ADGRB3: variants seen among roughly 807,000 people sequenced by gnomAD.
ADGRB3 encodes the protein brain-specific angiogenesis inhibitor 3.
ADGRB3 carries 37 observed loss-of-function variants against 193.4 expected under a neutral mutation model. That is an observed-to-expected ratio of 0.19 (90% CI 0.15 to 0.25). The LOEUF (loss-of-function observed/expected upper bound fraction) is 0.25. ADGRB3 is among the 10% of genes least tolerant of loss of function. The probability of loss-of-function intolerance (pLI) is 1.00; values close to 1 mark genes in which losing one functional copy is unlikely to be tolerated. For synonymous variants in ADGRB3, 690 were observed against 644.2 expected (o/e 1.07, Z -1.08); for missense variants, 1,637 against 1,852.9 (o/e 0.88, Z 2.14).
intron 20 of ADGRB3, among the ~76,000 whole-genome samples, chr6:69,266,040 C>T (rs1767032724): frequency 6.6e-6 from 1 of 151,888 alleles, no homozygotes; most frequent in Non-Finnish European, 1.5e-5. Flanking sequence ...AGCTTTCTTA[C>T]AGTGTTGTGG....
At chr6:68,973,842 A>G (rs1391509908) in intron 8 of ADGRB3, among the ~76,000 whole-genome samples, 1 of 152,194 alleles carries the variant, frequency 6.6e-6, no homozygotes, top group Admixed American at 6.5e-5. Context: ...ACATGGGAGC[A>G]AGATGTCACT....
chr6:69,041,247 G>A (rs1453832187), intron 13 of ADGRB3, among the ~76,000 whole-genome samples: 2 of 152,154 alleles, frequency 1.3e-5, no homozygotes, highest in African/African-American at 4.8e-5. Context: ...AGAAATGTCT[G>A]TGTAGATAAC....
At chr6:68,883,910 T>C in intron 3 of ADGRB3, among the ~76,000 whole-genome samples, 1 of 152,346 alleles carries the variant, frequency 6.6e-6, no homozygotes, top group South Asian at 2.1e-4. Context: ...AAAATTGGAA[T>C]TAATAAGGCT....
chr6:69,324,510 A>G (rs1397442527), intron 20 of ADGRB3, among the ~76,000 whole-genome samples: 1 of 152,184 alleles, frequency 6.6e-6, no homozygotes, highest in African/African-American at 2.4e-5. Flanking sequence ...TAGCCAAACT[A>G]ATTATGCAAG....
chr6:68,901,915 A>C (rs1766404538), intron 3 of ADGRB3, among the ~76,000 whole-genome samples: 1 of 152,156 alleles, frequency 6.6e-6, no homozygotes, highest in Non-Finnish European at 1.5e-5. Context: ...AAACATTTGT[A>C]CATTTTTTAA....
At chr6:68,911,114 G>T (rs911001897) in intron 3 of ADGRB3, among the ~76,000 whole-genome samples, 2 of 152,004 alleles carry the variant, frequency 1.3e-5, no homozygotes, top group Non-Finnish European at 2.9e-5. Flanking sequence ...TCATGTCTTT[G>T]TAGGGACATG....
chr6:69,376,387 C>T (rs895517455), intron 30 of ADGRB3, among the ~76,000 whole-genome samples: 2 of 151,850 alleles, frequency 1.3e-5, no homozygotes, highest in Admixed American at 6.6e-5. Flanking sequence ...CATGAGCCAC[C>T]GTTCCTGGCC....
intron 17 of ADGRB3, among the ~76,000 whole-genome samples, chr6:69,109,506 C>G (rs914784420): frequency 2.0e-5 from 3 of 152,246 alleles, no homozygotes; most frequent in Middle Eastern, 3.4e-3. Flanking sequence ...GAAAACATGC[C>G]TTCAACTTCA....
intron 20 of ADGRB3, among the ~76,000 whole-genome samples, chr6:69,296,649 T>C (rs1465736513): frequency 6.6e-6 from 1 of 152,164 alleles, no homozygotes; most frequent in Non-Finnish European, 1.5e-5. Flanking sequence ...ATGGCCATTC[T>C]CTTAGTAATA....
chr6:68,900,752 C>T (rs979642880), intron 3 of ADGRB3, among the ~76,000 whole-genome samples: 22 of 152,150 alleles, frequency 1.4e-4, no homozygotes, highest in South Asian at 6.2e-4. Flanking sequence ...ACACTGGGCC[C>T]GTGATGCAGC....
At chr6:68,917,398 A>G (rs1461946037) in intron 3 of ADGRB3, among the ~76,000 whole-genome samples, 1 of 152,174 alleles carries the variant, frequency 6.6e-6, no homozygotes, top group African/African-American at 2.4e-5. Flanking sequence ...CCTTATAAAC[A>G]ATATAGTTGC....
chr6:69,352,888 C>A (rs1357956215), intron 26 of ADGRB3, among the ~76,000 whole-genome samples: 1 of 152,122 alleles, frequency 6.6e-6, no homozygotes, highest in Non-Finnish European at 1.5e-5. Flanking sequence ...TATATGTTAA[C>A]CTTATTAGTC....
chr6:69,297,973 G>A (rs537746304), intron 20 of ADGRB3, among the ~76,000 whole-genome samples: 16 of 152,024 alleles, frequency 1.1e-4, no homozygotes, highest in Admixed American at 7.9e-4. Context: ...TTGTTACTTG[G>A]CCTCTTGGAG....
Position 68,853,626 on chromosome 6 carries a change from G to A in ADGRB3, c.758-76933G>A, listed in dbSNP as rs192428185. On this transcript the variant is annotated intron_variant, in intron 3 of 31. Coordinates refer to ENST00000370598, the MANE Select transcript of ADGRB3 (RefSeq NM_001704.3). ...TATTATACATAGCTCTCTAAGGGGT[G>A]CAACATTATTTATCTGCTCAATCTG... Among the ~76,000 whole-genome samples the A allele has an allele frequency of 2.3e-3, 343 of 152,104 alleles. 1 individual carries two copies. The highest frequency in any genetic ancestry group is 8.0e-3 in the African/African-American group (332 of 41,528).
At chr6:68,675,716 A>G (rs2127295803) in intron 3 of ADGRB3, among the ~76,000 whole-genome samples, 1 of 152,286 alleles carries the variant, frequency 6.6e-6, no homozygotes, top group African/African-American at 2.4e-5. Flanking sequence ...CAGCTTCTCC[A>G]GTTACCTTCC....
intron 10 of ADGRB3, among the ~76,000 whole-genome samples, chr6:68,984,904 T>G (rs1239064485): frequency 6.6e-6 from 1 of 152,082 alleles, no homozygotes; most frequent in Non-Finnish European, 1.5e-5. Context: ...TGATGGATTT[T>G]TTTTTTCTCC....
At position 69,093,187 on chromosome 6, in the gene ADGRB3, G is replaced by A. The variant is rs560907785; in HGVS notation, c.2480+17149G>A. 1.9e-4 allele frequency among the ~76,000 whole-genome samples: 29 copies of A among 151,820 alleles called. No homozygotes were observed. In the South Asian group the frequency reaches 5.0e-3, roughly 26 times the overall value. ...ACAAGGATGGGCAGCCTAGGTTCAT[G>A]GAGAGAAGGGTGGGCAAAACAGGCT... On this transcript the variant is annotated intron_variant, in intron 17 of 31. Coordinates refer to ENST00000370598, the MANE Select transcript of ADGRB3 (RefSeq NM_001704.3).
intron 3 of ADGRB3, among the ~76,000 whole-genome samples, chr6:68,865,689 C>T (rs1361803458): frequency 2.0e-5 from 3 of 152,124 alleles, no homozygotes; most frequent in African/African-American, 7.2e-5. Flanking sequence ...TCAAAATTCT[C>T]ATGGCCATGG....
chr6:68,839,500 T>A (rs1484697515), intron 3 of ADGRB3, among the ~76,000 whole-genome samples: 2 of 152,214 alleles, frequency 1.3e-5, no homozygotes, highest in Non-Finnish European at 2.9e-5. Flanking sequence ...AGATAAGACT[T>A]TTTGATGACC....
Sources: gnomAD v4.1 joint callset for allele counts (sites outside exome capture counted in the v4.1 genomes callset) on GRCh38, gnomAD v4.1.1 for gene constraint, MANE v1.5 for transcripts, NCBI Gene and HGNC (gene_info 2026-07-23, HGNC 2026-07-21) for gene names.